CCDC88A: variants seen among roughly 807,000 people sequenced by gnomAD.
CCDC88A encodes girdin.
CCDC88A carries 54 observed loss-of-function variants against 234.3 expected under a neutral mutation model. The observed-to-expected ratio is 0.23, with a 90% CI of 0.19 to 0.29. The LOEUF is 0.29. Ranked by LOEUF, CCDC88A falls within the 10% of genes least tolerant of loss-of-function variation. The pLI, the probability that CCDC88A is intolerant of heterozygous loss-of-function variation, is 1.00. For missense variants in CCDC88A, 1,832 were observed against 2,123.4 expected, an observed-to-expected ratio of 0.86 and a Z score of 2.70; for synonymous variants, 753 against 737.8, an observed-to-expected ratio of 1.02 and a Z score of -0.33.
intron 2 of CCDC88A, among the ~76,000 whole-genome samples, chr2:55,411,912 C>T (rs148166861): frequency 2.0e-3 from 303 of 151,684 alleles, no homozygotes; most frequent in African/African-American, 7.0e-3. Context: ...CACCTTGCCT[C>T]AAAGGAGATA....
At chr2:55,380,955 T>C (rs766777535) in intron 3 of CCDC88A, among the ~76,000 whole-genome samples, 8 of 152,224 alleles carry the variant, frequency 5.3e-5, no homozygotes, top group African/African-American at 1.7e-4. Flanking sequence ...CCCCTTTTTA[T>C]TGATATATAG....
intron 16 of CCDC88A, chr2:55,329,331 A>G (rs1000364075): frequency 2.6e-5 from 4 of 152,194 alleles, no homozygotes; most frequent in African/African-American, 9.7e-5. Flanking sequence ...TGAAGACAAC[A>G]CTAAATAAAA....
intron 17 of CCDC88A, chr2:55,323,416 C>G (rs894143891): frequency 1.3e-5 from 2 of 152,126 alleles, no homozygotes; most frequent in African/African-American, 4.8e-5. Context: ...TATGACTCAA[C>G]AATTAATATT....
chr2:55,355,824 G>A, intron 7 of CCDC88A, 73 bp from the exon 8 acceptor site: 1 of 1,194,186 alleles, frequency 8.4e-7, no homozygotes, highest in Non-Finnish European at 1.2e-6. Flanking sequence ...TGATCCACTA[G>A]GTCTAAGAAT....
intron 9 of CCDC88A, 108 bp from the exon 10 acceptor site, chr2:55,346,441 T>C: frequency 6.5e-6 from 4 of 616,602 alleles, no homozygotes; most frequent in South Asian, 2.9e-5. Flanking sequence ...TTATTTGAGA[T>C]GGAGTTTCAC....
At chr2:55,350,246 C>CGGTA (rs1475744549) in intron 8 of CCDC88A, 1 of 152,158 alleles carries the variant, frequency 6.6e-6, no homozygotes, top group East Asian at 1.9e-4. Context: ...CAAGGCAGTT[C>CGGTA]TACCTGTGTC....
chr2:55,390,304 T>A (rs1292072082), intron 2 of CCDC88A, among the ~76,000 whole-genome samples: 1 of 152,172 alleles, frequency 6.6e-6, no homozygotes, highest in African/African-American at 2.4e-5. Flanking sequence ...CCCTCACACG[T>A]AGTTAGAAGT....
rs7589558 is a variant in CCDC88A, at chr2:55,334,760, A to G, written c.2061T>C (p.Phe687=). 13,565 of 1,608,932 alleles carry G rather than the reference A, an allele frequency of 8.4e-3. 521 individuals are homozygous for G. The African/African-American group carries it at 0.11, about 13-fold the overall frequency. The change falls in exon 15 of 33, where the codon TTT becomes TTC. Residue 687 remains phenylalanine (F), a synonymous_variant. Transcript: ENST00000436346. This position sits in a 1 kb window ranked among gnomAD's most constrained non-coding sequence, Gnocchi z 6.1. ...TCTCTTTTTCTAGGGATTCTAACTG[A>G]AAGGTCAGATTTTTAAAGCTATCCA... ...KTLDSFKNLT[F]QLESLEKENS...
Position 55,295,772 on chromosome 2 carries a change from T to C in CCDC88A, c.5376A>G (p.Gln1792=), listed in dbSNP as rs751664007. 1.9e-6 allele frequency: 3 copies of C among 1,614,124 alleles called. No homozygotes were observed. The highest frequency in any genetic ancestry group is 2.7e-5 in the African/African-American group (2 of 74,940). ...KLVKESSLSR[Q]SKDSNPYATL... ...TTGCATAAGGGTTACTATCTTTTGA[T>C]TGTCGTGACAGAGAAGATTCTTTTA... Residue 1792 remains glutamine, a synonymous_variant, in exon 31 of 33, where the codon CAA becomes CAG. Transcript: ENST00000436346.
In CCDC88A at chr2:55,364,691, G is replaced by A. The variant is rs193126501; in HGVS notation, c.403-658C>T. Among the ~76,000 whole-genome samples the A allele has an allele frequency of 6.6e-5, 10 of 152,078 alleles. No individual in the cohort carries two copies. In the East Asian group the frequency reaches 1.9e-3, roughly 29 times the overall value. ...CACGTAACCAAATGGAATAAAGGGG[G>A]TAATTCTTTATTGTGTAACTTTTAA... On this transcript the variant is annotated intron_variant, in intron 5 of 32. Transcript: ENST00000436346.
At position 55,308,790 on chromosome 2, in the gene CCDC88A, A is replaced by C. The variant is rs1305545863; in HGVS notation, c.4387+19T>G. The C allele has an allele frequency of 6.3e-7, 1 of 1,583,410 alleles. No homozygotes were observed. Among genetic ancestry groups the C allele is most frequent in the African/African-American group, 1.3e-5 (1 of 74,138 alleles). On this transcript the variant is annotated intron_variant, in intron 25 of 32. Coordinates refer to ENST00000436346, the MANE Select transcript of CCDC88A (RefSeq NM_001365480.1). The stretch of plus-strand genomic sequence containing the variant: ...AGGATTCTAAATCAATACGATGTTT[A>C]AAGAGTTTAAGCACTCACTGCTGCT...
At chr2:55,411,643 G>A (rs900291314) in intron 2 of CCDC88A, among the ~76,000 whole-genome samples, 33 of 152,052 alleles carry the variant, frequency 2.2e-4, no homozygotes, top group African/African-American at 7.7e-4. Context: ...ACCAGGCACG[G>A]TGGTGGGCAC....
intron 25 of CCDC88A, among the ~76,000 whole-genome samples, chr2:55,304,560 C>G (rs1681304629): frequency 6.6e-6 from 1 of 151,948 alleles, no homozygotes; most frequent in South Asian, 2.1e-4. Context: ...TAGCAATAAG[C>G]TCCGATAAAC....
intron 8 of CCDC88A, among the ~76,000 whole-genome samples, chr2:55,352,560 A>G (rs1035986064): frequency 4.6e-5 from 7 of 152,158 alleles, no homozygotes; most frequent in African/African-American, 1.7e-4. Context: ...TGACCTGCGA[A>G]TTATATCTCA....
In CCDC88A at chr2:55,290,628, GAA is replaced by G. The variant is rs1222319821; in HGVS notation, c.*570_*571del. The G allele has an allele frequency of 6.6e-6, 1 of 150,960 alleles. No individual in the cohort carries two copies. The highest frequency in any genetic ancestry group is 1.5e-5 in the Non-Finnish European group (1 of 67,528). 9.4% of individuals were successfully genotyped at this position (150,960 alleles called of 1,614,324 possible). A position where few individuals can be genotyped will look rare whatever the true frequency, so the allele number is the denominator to read the frequency against. On this transcript the variant is annotated 3_prime_UTR_variant, in exon 33 of 33. Transcript: ENST00000436346. ...TTTGCATCAAAATAATTGGCTTTAA[GAA>G]AAAAAAAGTATCAACACATGCAGTC...
rs886156240 is a variant in CCDC88A at position 55,332,119 on chromosome 2, T to TC, written c.2855+446dup. On this transcript the variant is annotated intron_variant, in intron 16 of 32. Coordinates refer to ENST00000436346, the MANE Select transcript of CCDC88A (RefSeq NM_001365480.1). The surrounding 1 kb of genome is among the most constrained non-coding windows in gnomAD (Gnocchi z 4.5). The stretch of plus-strand genomic sequence containing the variant: ...TTCCTCTTTTCTCCTTACAGAACTT[T>TC]CTTTTTTTTTCTTTTTGAGATGGAG... 2 of 153,530 alleles carry TC rather than the reference T, an allele frequency of 1.3e-5. No individual in the cohort carries two copies. The highest frequency in any genetic ancestry group is 2.9e-5 in the Non-Finnish European group (2 of 69,228). 9.5% of individuals were successfully genotyped at this position (153,530 alleles called of 1,614,324 possible).
At position 55,290,123 on chromosome 2, in the gene CCDC88A, T is replaced by C. The variant is rs932112563; in HGVS notation, c.*1077A>G. 1.3e-5 allele frequency: 2 copies of C among 152,596 alleles called. No individual in the cohort carries two copies. Among genetic ancestry groups the C allele is most frequent in the African/African-American group, 4.8e-5 (2 of 41,464 alleles). The allele number at this position is 152,596 out of a possible 1,614,324, so 9.5% of individuals were successfully genotyped here. A position where few individuals can be genotyped will look rare whatever the true frequency, so the allele number is the denominator to read the frequency against. ...GTTAACTAAATCTATTTTTTTGTGCTTCTTCCAAATGTTTAAAGGTAACAA... is the reference window on the plus strand; with the variant it reads ...GTTAACTAAATCTATTTTTTTGTGCCTCTTCCAAATGTTTAAAGGTAACAA... On this transcript the variant is annotated 3_prime_UTR_variant, in exon 33 of 33. Coordinates refer to ENST00000436346, the MANE Select transcript of CCDC88A (RefSeq NM_001365480.1).
intron 12 of CCDC88A, among the ~76,000 whole-genome samples, chr2:55,341,141 T>C (rs1668429375): frequency 1.8e-5 from 1 of 54,802 alleles, no homozygotes; most frequent in Non-Finnish European, 3.2e-5. Context: ...AATTTCTTTC[T>C]TTTTTTTTTT....
Position 55,291,964 on chromosome 2 carries a change from T to C in CCDC88A, c.5552-189A>G, listed in dbSNP as rs111346265. 1.0e-4 allele frequency: 45 copies of C among 448,250 alleles called. No individual in the cohort carries two copies. In the Middle Eastern group the frequency reaches 1.8e-3, roughly 18 times the overall value. The allele number at this position is 448,250 out of a possible 1,614,324, so 27.8% of individuals were successfully genotyped here. On this transcript the variant is annotated intron_variant, in intron 31 of 32. Transcript: ENST00000436346. ...TTATATTTTAAAGCTATAAGTAATATTCCTAGGAAAGCTATAATTTTTAAA... is the reference window on the plus strand; with the variant it reads ...TTATATTTTAAAGCTATAAGTAATACTCCTAGGAAAGCTATAATTTTTAAA...
Sources: gnomAD v4.1 joint callset for allele counts (sites outside exome capture counted in the v4.1 genomes callset) on GRCh38, gnomAD v4.1.1 for gene constraint, Gnocchi (gnomAD v3.1) non-coding constraint, MANE v1.5 for transcripts, NCBI Gene and HGNC (gene_info 2026-07-23, HGNC 2026-07-21) for gene names.